The following MS4A1 variants were observed in gnomAD, a reference collection of about 807,000 sequenced individuals.
MS4A1 encodes the protein membrane spanning 4-domains A1.
In MS4A1, 16 loss-of-function variants were observed where a neutral mutation model predicts 26.5. That is an observed-to-expected ratio of 0.60 (90% CI 0.41 to 0.92). The LOEUF (loss-of-function observed/expected upper bound fraction) is 0.92, where lower values mean the gene tolerates loss of function less well. Among genes scored for constraint, MS4A1 ranks in the 40% least tolerant of loss-of-function variants. The pLI is 0.00. For missense variants in MS4A1, 350 were observed against 353.0 expected, an observed-to-expected ratio of 0.99 and a Z score of 0.07; for synonymous variants, 128 against 117.6, an observed-to-expected ratio of 1.09 and a Z score of -0.57.
intron 1 of MS4A1, among the ~76,000 whole-genome samples, chr11:60,456,271 C>T (rs1349389694): frequency 6.6e-6 from 1 of 152,264 alleles, no homozygotes; most frequent in South Asian, 2.1e-4. Context: ...ACAATATAAC[C>T]TTGGGCAAAT....
chr11:60,457,728 A>C (rs1313512776), intron 1 of MS4A1, among the ~76,000 whole-genome samples: 1 of 152,220 alleles, frequency 6.6e-6, no homozygotes, highest in Non-Finnish European at 1.5e-5. Context: ...CTGACTTCAC[A>C]GCACAGTCCT....
rs766172744 is a variant in MS4A1 at position 60,467,046 on chromosome 11, T to C, written c.661T>C (p.Ser221Pro). The C allele has an allele frequency of 6.2e-7, 1 of 1,614,136 alleles. No homozygotes were observed. The highest frequency in any genetic ancestry group is 2.2e-5 in the East Asian group (1 of 44,862). Reference sequence around the variant, plus strand: ...TGAGAATGAATGGAAAAGAACGTGCTCCAGACCCAAATCTGTAAGTAGTAG... The same window carrying C: ...TGAGAATGAATGGAAAAGAACGTGCCCCAGACCCAAATCTGTAAGTAGTAG... ...IVENEWKRTCSRPKSNIVLLS... is the reference protein window; with the variant it reads ...IVENEWKRTCPRPKSNIVLLS... The change falls in exon 7 of 8, where the codon TCC becomes CCC. Residue 221 changes from serine to proline, a missense_variant. Transcript: ENST00000345732.
chr11:60,463,664 A>C (rs1483735606), intron 4 of MS4A1: 1 of 381,862 alleles, frequency 2.6e-6, no homozygotes, highest in Admixed American at 2.7e-5. Context: ...TTTCCCCGTG[A>C]TACTTTTCAT....
chr11:60,464,599 G>A (rs574366622), intron 5 of MS4A1, among the ~76,000 whole-genome samples: 7 of 152,296 alleles, frequency 4.6e-5, no homozygotes, highest in Admixed American at 3.3e-4. Context: ...TAAATGCTGT[G>A]TGAAAATAAT....
intron 1 of MS4A1, among the ~76,000 whole-genome samples, chr11:60,458,736 G>A (rs567815156): frequency 3.9e-5 from 6 of 152,168 alleles, no homozygotes; most frequent in South Asian, 2.1e-4. Flanking sequence ...CTCATGGAAC[G>A]AAAGCTTTTC....
rs1424312337 is a variant in MS4A1 at position 60,468,763 on chromosome 11, TTAGTATAG to T, written c.*298_*305del. ...CTAACCTGTTCCTTGGATAGGCTTT[TTAGTATAG>T]TATTTTTTTTTGTCATTTTCTCCAT... is the stretch of plus-strand genomic sequence containing the variant. On this transcript the variant is annotated 3_prime_UTR_variant, in exon 8 of 8. Transcript: ENST00000345732. The T allele has an allele frequency of 2.7e-6, 1 of 374,542 alleles. No homozygotes were observed. Among genetic ancestry groups the T allele is most frequent in the Non-Finnish European group, 4.8e-6 (1 of 208,464 alleles). The allele number at this position is 374,542 out of a possible 1,614,324, so 23.2% of individuals were successfully genotyped here.
chr11:60,463,285 A>G (rs1381334931), intron 4 of MS4A1, among the ~76,000 whole-genome samples, 164 bp downstream of exon 4: 2 of 152,198 alleles, frequency 1.3e-5, no homozygotes, highest in Non-Finnish European at 2.9e-5. Flanking sequence ...TTGAGTATAA[A>G]TCCCATGGTT....
chr11:60,467,130 G>A (rs2086298852), intron 7 of MS4A1, 70 bp downstream of exon 7: 1 of 1,269,756 alleles, frequency 7.9e-7, no homozygotes, highest in Non-Finnish European at 1.2e-6. Flanking sequence ...CATTTATGGA[G>A]AATGTAATCT....
At chr11:60,466,876 A>T in intron 6 of MS4A1, 83 bp from the exon 7 acceptor site, 1 of 1,293,808 alleles carries the variant, frequency 7.7e-7, no homozygotes, top group Non-Finnish European at 1.1e-6. Context: ...GTTCAATTAT[A>T]GTCAACAATA....
In MS4A1 at chr11:60,469,062, T is replaced by C. The variant is rs201247814; in HGVS notation, c.*594T>C. The stretch of plus-strand genomic sequence containing the variant: ...AAATAGCCAACACCCATCTGTTTTT[T>C]GTAAAAACAGCATAGCTTATACATG... On this transcript the variant is annotated 3_prime_UTR_variant, in exon 8 of 8. Transcript: ENST00000345732. 6.5e-6 allele frequency: 1 copy of C among 152,954 alleles called. No individual in the cohort carries two copies. Among genetic ancestry groups the C allele is most frequent in the African/African-American group, 2.4e-5 (1 of 41,450 alleles). 9.5% of individuals were successfully genotyped at this position (152,954 alleles called of 1,614,324 possible).
chr11:60,466,594 G>T (rs2086293718), intron 6 of MS4A1: 2 of 320,978 alleles, frequency 6.2e-6, no homozygotes, highest in Non-Finnish European at 1.2e-5. Flanking sequence ...AAAAAAAAAT[G>T]CATCTCCCAA....
rs538978795 is a variant in MS4A1, at chr11:60,466,024, T to C, written c.440T>C (p.Leu147Ser). The change falls in exon 6 of 8, where the codon TTA (leucine) becomes TCA (serine). Residue 147 changes from leucine to serine, a missense_variant. Transcript: ENST00000345732. ...CTTAATATTAAAATTTCCCATTTTT[T>C]AAAAATGGAGAGTCTGAATTTTATT... ...DILNIKISHF[L>S]KMESLNFIRA... The C allele has an allele frequency of 6.2e-7, 1 of 1,613,436 alleles. No homozygotes were observed.
rs1390571456 is a variant in MS4A1, at chr11:60,466,046, T to C, written c.462T>C (p.Phe154=). 1 of 1,614,024 alleles carries C rather than the reference T, an allele frequency of 6.2e-7. No homozygotes were observed. Among genetic ancestry groups the C allele is most frequent in the Non-Finnish European group, 8.5e-7 (1 of 1,179,888 alleles). The change falls in exon 6 of 8, where the codon TTT becomes TTC. Residue 154 remains phenylalanine, a synonymous_variant. Transcript: ENST00000345732. ...TTTTAAAAATGGAGAGTCTGAATTT[T>C]ATTAGAGCTCACACACCATATATTA... The part of the protein sequence containing the change: ...SHFLKMESLN[F]IRAHTPYINI...
rs1219460794 is a variant in MS4A1 at position 60,464,373 on chromosome 11, CAT to C, written c.336+30_336+31del. The C allele has an allele frequency of 6.2e-6, 10 of 1,604,718 alleles. No individual in the cohort carries two copies. The African/African-American group carries it at 6.7e-5, about 11-fold the overall frequency. ...AGTAACCATATGTCCTTCTTTCCCA[CAT>C]GTCAGAGAAGTACCTATTTTTTTCG... On this transcript the variant is annotated intron_variant, in intron 5 of 7. Coordinates refer to ENST00000345732, the MANE Select transcript of MS4A1 (RefSeq NM_152866.3).
At chr11:60,461,747 T>G (rs2086249838) in intron 2 of MS4A1, among the ~76,000 whole-genome samples, 1 of 151,706 alleles carries the variant, frequency 6.6e-6, no homozygotes. Context: ...CTCAAACTCC[T>G]GACCTCAGGT....
chr11:60,468,269 C>G lies in MS4A1; in HGVS notation c.695C>G (p.Ala232Gly). Residue 232 changes from alanine to glycine, a missense_variant, in exon 8 of 8, where the codon GCA becomes GGA. Physicochemically the swap from Ala to Gly is moderately conservative, Grantham distance 60. Transcript: ENST00000345732. ...TTTTAGAACATAGTTCTCCTGTCAG[C>G]AGAAGAAAAAAAAGAACAGACTATT... ...RPKSNIVLLS[A>G]EEKKEQTIEI... 10 of 1,612,026 alleles carry G rather than the reference C, an allele frequency of 6.2e-6. No individual in the cohort carries two copies. The highest frequency in any genetic ancestry group is 8.5e-6 in the Non-Finnish European group (10 of 1,178,918).
chr11:60,457,230 A>G (rs2086211697), intron 1 of MS4A1, among the ~76,000 whole-genome samples: 1 of 152,176 alleles, frequency 6.6e-6, no homozygotes, highest in Non-Finnish European at 1.5e-5. Flanking sequence ...GAGAAGATTC[A>G]GGAAAGAAGG....
At chr11:60,464,598 T>G (rs2086275653) in intron 5 of MS4A1, among the ~76,000 whole-genome samples, 1 of 152,220 alleles carries the variant, frequency 6.6e-6, no homozygotes, top group Non-Finnish European at 1.5e-5. Flanking sequence ...TTAAATGCTG[T>G]GTGAAAATAA....
At chr11:60,461,222 A>C (rs1211556540) in intron 2 of MS4A1, 62 bp downstream of exon 2, 5 of 151,930 alleles carry the variant, frequency 3.3e-5, no homozygotes, top group African/African-American at 1.2e-4. Flanking sequence ...AAAAGACAGC[A>C]AATAGGAGTA....
Sources: allele counts gnomAD v4.1 joint callset (sites outside exome capture counted in the v4.1 genomes callset), GRCh38; gene constraint gnomAD v4.1.1; transcripts MANE v1.5; gene names NCBI Gene and HGNC (gene_info 2026-07-23, HGNC 2026-07-21).